The following CLDN10 variants were observed in gnomAD, a reference collection of about 807,000 sequenced individuals.
CLDN10 encodes claudin 10.
A neutral mutation model predicts 22.9 loss-of-function variants in CLDN10; 15 were observed. The ratio of observed to expected loss-of-function variants is 0.65; its 90% CI spans 0.44 to 1.01. The LOEUF (loss-of-function observed/expected upper bound fraction) is 1.01, where lower values mean the gene tolerates loss of function less well. CLDN10 is among the 50% of genes least tolerant of loss of function. CLDN10 has a pLI of 0.00. For synonymous variants in CLDN10, 114 were observed against 111.4 expected (o/e 1.02, Z -0.15); for missense variants, 247 against 287.8 (o/e 0.86, Z 1.03).
intron 1 of CLDN10, among the ~76,000 whole-genome samples, chr13:95,447,746 T>C (rs1403705517): frequency 9.1e-6 from 1 of 110,462 alleles, no homozygotes; most frequent in Admixed American, 1.0e-4. Flanking sequence ...CACATGCGTG[T>C]GTGTGTGTGT....
In CLDN10 at chr13:95,563,095, A is replaced by ACTCTCTCTCTCTCTCT. The variant is rs34473629; in HGVS notation, c.464+2657_464+2672dup. ...TTTCTCTTTCTGTCTCTGCCTACCCACTCTCTCTCTCTCTCTCTCTCTCTC... is the reference window on the plus strand; with the variant it reads ...TTTCTCTTTCTGTCTCTGCCTACCCACTCTCTCTCTCTCTCTCTCTCTCTCTCTCTCTCTCTCTCTC... On this transcript the variant is annotated intron_variant, in intron 3 of 4. Transcript: ENST00000299339. 2.7e-3 allele frequency among the ~76,000 whole-genome samples: 344 copies of ACTCTCTCTCTCTCTCT among 128,110 alleles called. 4 individuals carry two copies. The highest frequency in any genetic ancestry group is 4.5e-3 in the Admixed American group (58 of 12,916). The allele number at this position is 128,110 out of a possible 152,430, so 84.0% of individuals were successfully genotyped here.
chr13:95,433,874 G>C (rs2042236927), exon 1 of CLDN10: 8 of 1,614,204 alleles, frequency 5.0e-6, no homozygotes, highest in Non-Finnish European at 6.8e-6. Context: ...TCTGGTGTCG[G>C]AGGGTTTGGA....
intron 3 of CLDN10, among the ~76,000 whole-genome samples, chr13:95,569,350 A>G (rs1000670591): frequency 6.6e-6 from 1 of 152,124 alleles, no homozygotes; most frequent in Non-Finnish European, 1.5e-5. Flanking sequence ...TTGGGAGGCC[A>G]ACGTGGGTGG....
At chr13:95,502,461 G>A (rs143381023) in intron 1 of CLDN10, among the ~76,000 whole-genome samples, 7 of 152,258 alleles carry the variant, frequency 4.6e-5, no homozygotes, top group African/African-American at 1.7e-4. Context: ...TTGCCAGGAC[G>A]TTTATGGTGA....
Position 95,495,797 on chromosome 13 carries a change from A to G in CLDN10, c.214+61750A>G, listed in dbSNP as rs550006509. ...GAAAGAAAGAAATGAAGCTAACTTT[A>G]GGAAATCAGCCTGTAAGGAATTTCT... On this transcript the variant is annotated intron_variant, in intron 1 of 4. Coordinates refer to the CLDN10 transcript ENST00000376873. 5.9e-5 allele frequency among the ~76,000 whole-genome samples: 9 copies of G among 151,928 alleles called. No homozygotes were observed. The East Asian group carries it at 1.7e-3, about 29-fold the overall frequency.
At chr13:95,474,241 G>A (rs2042663475) in intron 1 of CLDN10, among the ~76,000 whole-genome samples, 1 of 152,164 alleles carries the variant, frequency 6.6e-6, no homozygotes, top group Admixed American at 6.5e-5. Context: ...CTGATAAGGA[G>A]GAGGGAACCC....
Position 95,469,122 on chromosome 13 carries a change from C to CT in CLDN10, c.214+35089dup, listed in dbSNP as rs78396973. Reference sequence around the variant, plus strand: ...AGTTTTTTGGTTTTGTTTTCTGTTTCTTTTTTTTTTTTTTCTTCCTCTGGC... The same window carrying CT: ...AGTTTTTTGGTTTTGTTTTCTGTTTCTTTTTTTTTTTTTTTCTTCCTCTGGC... On this transcript the variant is annotated intron_variant, in intron 1 of 4. Coordinates refer to the CLDN10 transcript ENST00000376873. Among the ~76,000 whole-genome samples the CT allele has an allele frequency of 2.4e-3, 337 of 139,742 alleles. 2 individuals are homozygous for CT. Among genetic ancestry groups the CT allele is most frequent in the Admixed American group, 5.8e-3 (81 of 13,908 alleles). The allele number at this position is 139,742 out of a possible 152,430, so 91.7% of individuals were successfully genotyped here.
chr13:95,500,964 T>C (rs756278469), intron 1 of CLDN10, among the ~76,000 whole-genome samples: 4 of 152,198 alleles, frequency 2.6e-5, no homozygotes, highest in Non-Finnish European at 5.9e-5. Flanking sequence ...AGGGATACCA[T>C]CGAGGGCAGA....
upstream of CLDN10, chr13:95,552,651 G>C (rs2043579412): frequency 4.9e-5 from 67 of 1,359,368 alleles, no homozygotes; most frequent in Non-Finnish European, 6.3e-5. Flanking sequence ...GGGCGGGGAC[G>C]GTGGGCGGAG....
At chr13:95,464,807 G>T (rs1169675049) in intron 1 of CLDN10, among the ~76,000 whole-genome samples, 1 of 152,042 alleles carries the variant, frequency 6.6e-6, no homozygotes, top group East Asian at 1.9e-4. Flanking sequence ...TCTTGGCTCA[G>T]TGCAACCTCT....
chr13:95,559,759 C>T (rs1217797924), intron 1 of CLDN10, among the ~76,000 whole-genome samples: 1 of 152,076 alleles, frequency 6.6e-6, no homozygotes, highest in Non-Finnish European at 1.5e-5. Context: ...TGAAAGGCAC[C>T]TTTCACTGTG....
chr13:95,552,747 C>T lies in CLDN10; in HGVS notation c.-7C>T. On this transcript the variant is annotated 5_prime_UTR_variant, in exon 1 of 5. Coordinates refer to ENST00000299339, the MANE Select transcript of CLDN10 (RefSeq NM_006984.5). Reference sequence around the variant, plus strand: ...GCCGGAGAGCGAGCGCGGCTGCAGCCGGCGGCATGGCTAGCACGGCTTCGG... The same window carrying T: ...GCCGGAGAGCGAGCGCGGCTGCAGCTGGCGGCATGGCTAGCACGGCTTCGG... The T allele has an allele frequency of 4.4e-6, 7 of 1,607,058 alleles. No homozygotes were observed. The highest frequency in any genetic ancestry group is 1.8e-4 in the Middle Eastern group (1 of 5,680).
chr13:95,515,337 T>G (rs1242579859), intron 1 of CLDN10, among the ~76,000 whole-genome samples: 1 of 152,222 alleles, frequency 6.6e-6, no homozygotes, highest in East Asian at 1.9e-4. Flanking sequence ...CAGCTGAAAT[T>G]ACATGCGTGC....
chr13:95,514,364 C>A (rs888903540), intron 1 of CLDN10, among the ~76,000 whole-genome samples: 1 of 152,124 alleles, frequency 6.6e-6, no homozygotes, highest in Non-Finnish European at 1.5e-5. Context: ...AATAAGCAAA[C>A]GTTAACAATC....
At chr13:95,564,110 TG>T (rs1027291838) in intron 3 of CLDN10, among the ~76,000 whole-genome samples, 5 of 152,216 alleles carry the variant, frequency 3.3e-5, no homozygotes, top group African/African-American at 1.2e-4. Flanking sequence ...GGCTGGGATG[TG>T]GAAGATGCCA....
At chr13:95,494,053 C>A (rs2042903445) in intron 1 of CLDN10, among the ~76,000 whole-genome samples, 1 of 151,962 alleles carries the variant, frequency 6.6e-6, no homozygotes, top group Non-Finnish European at 1.5e-5. Context: ...CAATGTCACA[C>A]CTAAAAATAA....
At chr13:95,555,137 G>A (rs2043619483) in intron 1 of CLDN10, among the ~76,000 whole-genome samples, 3 of 140,140 alleles carry the variant, frequency 2.1e-5, no homozygotes, top group Admixed American at 8.2e-5. Flanking sequence ...TGCAACCTCC[G>A]CCTCCCAGGT....
At chr13:95,478,717 T>C (rs961450930) in intron 1 of CLDN10, among the ~76,000 whole-genome samples, 1 of 152,232 alleles carries the variant, frequency 6.6e-6, no homozygotes, top group Non-Finnish European at 1.5e-5. Flanking sequence ...ACTTGCAGTA[T>C]GGCACAGCTG....
At chr13:95,507,785 G>A (rs112977156) in intron 1 of CLDN10, among the ~76,000 whole-genome samples, 6,530 of 152,046 alleles carry the variant, frequency 0.043, 237 homozygotes, top group Middle Eastern at 0.095. Flanking sequence ...CACCACGCCT[G>A]GCTAATTTTG....
Sources: gnomAD v4.1 joint callset for allele counts (sites outside exome capture counted in the v4.1 genomes callset) on GRCh38, gnomAD v4.1.1 for gene constraint, MANE v1.5 for transcripts, NCBI Gene and HGNC (gene_info 2026-07-23, HGNC 2026-07-21) for gene names.